The following NKD1 variants were observed in gnomAD, a reference collection of about 807,000 sequenced individuals.
The protein encoded by NKD1 is protein naked cuticle homolog 1.
NKD1 carries 21 observed loss-of-function variants against 56.0 expected under a neutral mutation model. That is an observed-to-expected ratio of 0.38 (90% CI 0.27 to 0.54). NKD1 has a LOEUF of 0.54. Ranked by LOEUF, NKD1 falls within the 20% of genes least tolerant of loss-of-function variation. NKD1 has a pLI of 0.82. For synonymous variants in NKD1, 263 were observed against 265.7 expected (o/e 0.99, Z 0.10); for missense variants, 578 against 642.7 (o/e 0.90, Z 1.09).
intron 4 of NKD1, among the ~76,000 whole-genome samples, chr16:50,611,773 G>A (rs1035197354): frequency 4.6e-5 from 7 of 152,202 alleles, no homozygotes; most frequent in African/African-American, 1.7e-4. Context: ...GTGACCTTGG[G>A]TGAGTCACTT....
chr16:50,618,298 G>A (rs984398007), intron 4 of NKD1, among the ~76,000 whole-genome samples: 1 of 152,092 alleles, frequency 6.6e-6, no homozygotes. Flanking sequence ...AAATGGCTGG[G>A]CTAAACAGGA....
intron 3 of NKD1, among the ~76,000 whole-genome samples, chr16:50,588,582 C>T (rs910576798): frequency 3.9e-5 from 5 of 129,014 alleles, no homozygotes; most frequent in South Asian, 2.7e-4. Flanking sequence ...AGTTTCTTTT[C>T]TTTTCTTTTC....
rs1272033794 is a variant in NKD1, at chr16:50,639,939, T to G, written c.*6158T>G. 3.9e-5 allele frequency: 6 copies of G among 152,252 alleles called. No homozygotes were observed. The highest frequency in any genetic ancestry group is 1.4e-4 in the African/African-American group (6 of 41,452). 9.4% of individuals were successfully genotyped at this position (152,252 alleles called of 1,614,324 possible). On this transcript the variant is annotated 3_prime_UTR_variant, in exon 10 of 10. Coordinates refer to ENST00000268459, the MANE Select transcript of NKD1 (RefSeq NM_033119.5). ...GGGGGTCCTTGGTCAAGGCCAGCTT[T>G]GGGGACTAGGGCTTGTTGCGACTAC...
chr16:50,566,344 C>T (rs1441727964), intron 3 of NKD1: 1 of 206,684 alleles, frequency 4.8e-6, no homozygotes, highest in Admixed American at 6.5e-5. Flanking sequence ...TTAGGCACAC[C>T]CTTCCCAGGT....
At position 50,632,152 on chromosome 16, in the gene NKD1, C is replaced by T. The variant is rs1004140339; in HGVS notation, c.696-129C>T. ...CGTATAGAGGACTGTTCCTCCCCAC[C>T]CTCTCCAAAGGCCAAGAAGGAAATG... On this transcript the variant is annotated intron_variant, in intron 8 of 9. Coordinates refer to ENST00000268459, the MANE Select transcript of NKD1 (RefSeq NM_033119.5). The surrounding 1 kb of genome is among the most constrained non-coding windows in gnomAD (Gnocchi z 4.1). The T allele has an allele frequency of 1.5e-5, 13 of 845,970 alleles. No homozygotes were observed. The African/African-American group carries it at 1.7e-4, about 11-fold the overall frequency. 52.4% of individuals were successfully genotyped at this position (845,970 alleles called of 1,614,324 possible). A position where few individuals can be genotyped will look rare whatever the true frequency, so the allele number is the denominator to read the frequency against.
chr16:50,578,703 A>G (rs2151268479), intron 3 of NKD1, among the ~76,000 whole-genome samples: 1 of 152,218 alleles, frequency 6.6e-6, no homozygotes, highest in East Asian at 1.9e-4. Context: ...ATCTCCTATG[A>G]TTCTGCAGGT....
intron 3 of NKD1, among the ~76,000 whole-genome samples, chr16:50,563,424 T>G (rs1960687594): frequency 6.6e-6 from 1 of 150,734 alleles, no homozygotes; most frequent in Non-Finnish European, 1.5e-5. Context: ...GGCACAGCCC[T>G]GGACCCATGG....
At chr16:50,621,790 G>C (rs1390090772) in intron 5 of NKD1, 82 bp downstream of exon 5, 17 of 1,045,838 alleles carry the variant, frequency 1.6e-5, no homozygotes, top group Non-Finnish European at 2.4e-5. Context: ...GGAAGCTGAG[G>C]CTCTTCCAGA....
At chr16:50,629,830 T>C (rs2151280787) in intron 6 of NKD1, among the ~76,000 whole-genome samples, 1 of 152,304 alleles carries the variant, frequency 6.6e-6, no homozygotes, top group East Asian at 1.9e-4. Flanking sequence ...TCTCAGGCAG[T>C]GAGGAATGAG....
At chr16:50,606,369 T>G (rs980685030) in intron 3 of NKD1, 8 of 163,406 alleles carry the variant, frequency 4.9e-5, no homozygotes, top group African/African-American at 1.4e-4. Flanking sequence ...TTTTGCAAAG[T>G]TGAGCATTGG....
chr16:50,584,918 G>A (rs1209503588), intron 3 of NKD1, among the ~76,000 whole-genome samples: 1 of 152,184 alleles, frequency 6.6e-6, no homozygotes, highest in Non-Finnish European at 1.5e-5. Context: ...TCGTAATGAG[G>A]CCCAGGCGCC....
chr16:50,563,508 T>C (rs1302248055), intron 3 of NKD1, among the ~76,000 whole-genome samples: 4 of 150,510 alleles, frequency 2.7e-5, no homozygotes, highest in Non-Finnish European at 1.5e-5. Context: ...AGACCTTGTG[T>C]GTCAGGCTAA....
chr16:50,565,981 C>T (rs1226947379), intron 3 of NKD1: 4 of 166,570 alleles, frequency 2.4e-5, no homozygotes, highest in East Asian at 3.8e-4. Flanking sequence ...TTTCTGCTTC[C>T]ACCCCTTGCC....
intron 5 of NKD1, among the ~76,000 whole-genome samples, chr16:50,624,356 T>C (rs1333751122): frequency 2.0e-5 from 3 of 152,082 alleles, no homozygotes; most frequent in Non-Finnish European, 2.9e-5. Context: ...TTCCCTGGGG[T>C]CAGACACTTC....
At position 50,644,449 on chromosome 16, in the gene NKD1, A is replaced by C. The variant is rs1962639186; in HGVS notation, c.*10668A>C. The C allele has an allele frequency of 6.6e-6, 1 of 152,250 alleles. No homozygotes were observed. The highest frequency in any genetic ancestry group is 1.5e-5 in the Non-Finnish European group (1 of 68,044). The allele number at this position is 152,250 out of a possible 1,614,324, so 9.4% of individuals were successfully genotyped here. A position where few individuals can be genotyped will look rare whatever the true frequency, so the allele number is the denominator to read the frequency against. Reference sequence around the variant, plus strand: ...TGTGTCTTTGTTGATAGAATTCATAAAGACAGATGGGAAAAGGGGCACCCC... The same window carrying C: ...TGTGTCTTTGTTGATAGAATTCATACAGACAGATGGGAAAAGGGGCACCCC... On this transcript the variant is annotated 3_prime_UTR_variant, in exon 10 of 10. Coordinates refer to ENST00000268459, the MANE Select transcript of NKD1 (RefSeq NM_033119.5).
chr16:50,588,672 G>C (rs1433528548), intron 3 of NKD1, among the ~76,000 whole-genome samples: 2 of 140,302 alleles, frequency 1.4e-5, no homozygotes, highest in African/African-American at 5.3e-5. Flanking sequence ...GTGTGATCTC[G>C]GTTCACTGCA....
intron 3 of NKD1, among the ~76,000 whole-genome samples, chr16:50,589,627 C>T (rs1305150794): frequency 3.3e-5 from 5 of 152,206 alleles, no homozygotes; most frequent in Admixed American, 6.5e-5. Flanking sequence ...GGGTAGTTCA[C>T]GCTCCCCTAT....
chr16:50,601,346 G>A (rs1424466121), intron 3 of NKD1, among the ~76,000 whole-genome samples: 1 of 152,138 alleles, frequency 6.6e-6, no homozygotes, highest in East Asian at 1.9e-4. Context: ...AGCAGCAAAG[G>A]CCGTTTAGTG....
chr16:50,603,771 G>A (rs538617699), intron 3 of NKD1, among the ~76,000 whole-genome samples: 2 of 152,358 alleles, frequency 1.3e-5, no homozygotes, highest in South Asian at 2.1e-4. Flanking sequence ...ATAAGGTATC[G>A]TGCCTGGATT....
Sources: gnomAD v4.1 joint callset for allele counts (sites outside exome capture counted in the v4.1 genomes callset) on GRCh38, gnomAD v4.1.1 for gene constraint, Gnocchi (gnomAD v3.1) non-coding constraint, MANE v1.5 for transcripts, NCBI Gene and HGNC (gene_info 2026-07-23, HGNC 2026-07-21) for gene names.